RBM47: variants seen among roughly 807,000 people sequenced by gnomAD.
RBM47 encodes the protein RNA-binding protein 47.
RBM47 carries 21 observed loss-of-function variants against 47.1 expected under a neutral mutation model. The observed-to-expected ratio is 0.45, with a 90% CI of 0.32 to 0.64. The LOEUF (loss-of-function observed/expected upper bound fraction) is 0.64. Among genes scored for constraint, RBM47 ranks in the 30% least tolerant of loss-of-function variants. RBM47 has a pLI of 0.05. For missense variants in RBM47, 708 were observed against 870.9 expected, an observed-to-expected ratio of 0.81 and a Z score of 2.35; for synonymous variants, 375 against 361.7, an observed-to-expected ratio of 1.04 and a Z score of -0.42.
Position 40,620,705 on chromosome 4 carries a change from A to T in RBM47, c.-240+8691T>A, listed in dbSNP as rs140896656. ...ATTCATTTTTTCTTTTCTTTAAAAA[A>T]TTTTTTTTAATAGAGAAGGGTTTTC... On this transcript the variant is annotated intron_variant, in intron 1 of 6. Transcript: ENST00000295971. Among the ~76,000 whole-genome samples the T allele has an allele frequency of 4.3e-4, 66 of 152,094 alleles. 1 individual carries two copies. The East Asian group carries it at 0.01, about 24-fold the overall frequency.
At chr4:40,493,713 G>A (rs566403614) in intron 2 of RBM47, among the ~76,000 whole-genome samples, 13 of 151,674 alleles carry the variant, frequency 8.6e-5, no homozygotes, top group Admixed American at 7.2e-4. Flanking sequence ...CCTGGGAGGC[G>A]GAGGTTGCAG....
chr4:40,586,009 G>C (rs537758772), intron 1 of RBM47, among the ~76,000 whole-genome samples: 17 of 152,322 alleles, frequency 1.1e-4, no homozygotes, highest in Admixed American at 1.0e-3. Flanking sequence ...AAGTACATTT[G>C]ATGGTTTCAA....
At chr4:40,436,202 A>AC in intron 5 of RBM47, among the ~76,000 whole-genome samples, 1 of 60,154 alleles carries the variant, frequency 1.7e-5, no homozygotes, top group African/African-American at 5.5e-5. Flanking sequence ...AAACAAACAA[A>AC]CAAAAAAAAA....
intron 3 of RBM47, 81 bp from the exon 4 acceptor site, chr4:40,439,005 T>A: frequency 7.9e-7 from 1 of 1,269,058 alleles, no homozygotes; most frequent in Non-Finnish European, 1.1e-6. Flanking sequence ...CTTGCAAGTA[T>A]GCATTAATAG....
chr4:40,618,634 C>A (rs1736960519), intron 1 of RBM47, among the ~76,000 whole-genome samples: 1 of 150,942 alleles, frequency 6.6e-6, no homozygotes, highest in South Asian at 2.1e-4. Flanking sequence ...CATGGTGAAA[C>A]CCCGTCTCTA....
intron 3 of RBM47, 98 bp from the exon 4 acceptor site, chr4:40,439,022 G>T: frequency 9.7e-7 from 1 of 1,030,708 alleles, no homozygotes; most frequent in Non-Finnish European, 1.4e-6. Context: ...ATAGGCCACG[G>T]GGAAGGGGAG....
At chr4:40,514,755 C>T (rs1457171152) in intron 2 of RBM47, 1 of 152,250 alleles carries the variant, frequency 6.6e-6, no homozygotes, top group Admixed American at 6.5e-5. Context: ...CCACACTTCC[C>T]CTTAAGGGGG....
rs533812008 is a variant in RBM47 at position 40,510,882 on chromosome 4, G to A, written c.-155+33540C>T. Reference sequence around the variant, plus strand: ...AGGTCAGGGGTTTGAGACCAGACTGGCCAACATGAAACCCTGTCTCTACTG... The same window carrying A: ...AGGTCAGGGGTTTGAGACCAGACTGACCAACATGAAACCCTGTCTCTACTG... On this transcript the variant is annotated intron_variant, in intron 2 of 6. Transcript: ENST00000295971. 6.6e-5 allele frequency among the ~76,000 whole-genome samples: 10 copies of A among 152,266 alleles called. No individual in the cohort carries two copies. In the South Asian group the frequency reaches 2.1e-3, roughly 32 times the overall value.
At chr4:40,573,779 A>G (rs1207209206) in intron 1 of RBM47, among the ~76,000 whole-genome samples, 42 of 122,598 alleles carry the variant, frequency 3.4e-4, no homozygotes, top group African/African-American at 1.5e-3. Flanking sequence ...GAAAGAAAGA[A>G]AGAAAGAGAG....
chr4:40,495,583 C>T (rs928032460), intron 2 of RBM47, among the ~76,000 whole-genome samples: 1 of 151,178 alleles, frequency 6.6e-6, no homozygotes, highest in Non-Finnish European at 1.5e-5. Context: ...GCCTGGGTGA[C>T]AAGAGTGAAA....
chr4:40,590,787 A>G (rs1205475015), intron 1 of RBM47, among the ~76,000 whole-genome samples: 2 of 152,226 alleles, frequency 1.3e-5, no homozygotes, highest in Non-Finnish European at 2.9e-5. Context: ...AGCCAGACAC[A>G]AAAGTCCATA....
intron 2 of RBM47, among the ~76,000 whole-genome samples, chr4:40,526,032 G>C (rs1336152946): frequency 6.6e-6 from 1 of 152,128 alleles, no homozygotes; most frequent in Non-Finnish European, 1.5e-5. Context: ...GAAAAAGAAG[G>C]ACAAACTGAA....
chr4:40,519,032 A>T lies in RBM47; in HGVS notation c.-155+25390T>A, dbSNP rs543142708. Among the ~76,000 whole-genome samples, 32 of 103,676 alleles carry T rather than the reference A, an allele frequency of 3.1e-4. No homozygotes were observed. In the South Asian group the frequency reaches 0.011, roughly 35 times the overall value. 68.0% of individuals were successfully genotyped at this position (103,676 alleles called of 152,430 possible). On this transcript the variant is annotated intron_variant, in intron 2 of 6. Coordinates refer to ENST00000295971, the MANE Select transcript of RBM47 (RefSeq NM_001098634.2). ...AACATAGTGAGACCCTTGTTTCTAT[A>T]AAAAAAAAAATATAAAAAATGATCC...
At chr4:40,612,508 ACT>A (rs1026613883) in intron 1 of RBM47, among the ~76,000 whole-genome samples, 2 of 152,198 alleles carry the variant, frequency 1.3e-5, no homozygotes, top group African/African-American at 4.8e-5. Flanking sequence ...AGAGAGCCAG[ACT>A]CTGTCTCTCA....
chr4:40,560,169 A>C (rs890717283), intron 1 of RBM47, among the ~76,000 whole-genome samples: 2 of 152,226 alleles, frequency 1.3e-5, no homozygotes, highest in Non-Finnish European at 2.9e-5. Context: ...GAATTTCCTA[A>C]CATGGCCAGG....
chr4:40,452,184 GA>G, intron 3 of RBM47, among the ~76,000 whole-genome samples: 1 of 151,060 alleles, frequency 6.6e-6, no homozygotes. Flanking sequence ...AAAAAAAAAA[GA>G]AGGAAAGGGA....
In RBM47 at chr4:40,438,458, A is replaced by C; in HGVS notation, c.436T>G (p.Cys146Gly). 1 of 1,613,580 alleles carries C rather than the reference A, an allele frequency of 6.2e-7. No homozygotes were observed. The highest frequency in any genetic ancestry group is 8.5e-7 in the Non-Finnish European group (1 of 1,179,972). Residue 146 changes from cysteine (C) to glycine (G), a missense_variant, in exon 4 of 7, where the codon TGC (cysteine) becomes GGC (glycine). By Grantham distance (159) the Cys-to-Gly change is radical. Transcript: ENST00000295971. ...IRPGRLLGVC[C>G]SVDNCRLFIG... Reference sequence around the variant, plus strand: ...AAGAGGCGGCAGTTGTCCACGCTGCAGCACACGCCGAGCAGGCGGCCCGGG... The same window carrying C: ...AAGAGGCGGCAGTTGTCCACGCTGCCGCACACGCCGAGCAGGCGGCCCGGG...
intron 2 of RBM47, among the ~76,000 whole-genome samples, chr4:40,534,901 C>T (rs1727778545): frequency 6.7e-6 from 1 of 149,662 alleles, no homozygotes; most frequent in Admixed American, 6.7e-5. Flanking sequence ...TGCCAGTGCA[C>T]TCCAGCCTGG....
chr4:40,526,789 C>CTTTTTTTTTTTT (rs540484622), intron 2 of RBM47, among the ~76,000 whole-genome samples: 2 of 61,592 alleles, frequency 3.2e-5, no homozygotes, highest in Non-Finnish European at 5.8e-5. Context: ...CAGTTTGGTT[C>CTTTTTTTTTTTT]TTTTTTTTTT....
Sources: allele counts gnomAD v4.1 joint callset (sites outside exome capture counted in the v4.1 genomes callset), GRCh38; gene constraint gnomAD v4.1.1; transcripts MANE v1.5; gene names NCBI Gene and HGNC (gene_info 2026-07-23, HGNC 2026-07-21).